The following DCC variants were observed in gnomAD, a reference collection of about 807,000 sequenced individuals.
The protein encoded by DCC is DCC netrin 1 receptor.
Under a neutral mutation model 172.5 loss-of-function variants are expected in DCC, and 58 were observed. That is an observed-to-expected ratio of 0.34 (90% CI 0.27 to 0.42). The LOEUF (loss-of-function observed/expected upper bound fraction) is 0.42, where lower values mean the gene tolerates loss of function less well. Among genes scored for constraint, DCC ranks in the 10% least tolerant of loss-of-function variants. DCC has a pLI of 1.00. For synonymous variants in DCC, 709 were observed against 644.5 expected, an observed-to-expected ratio of 1.10 and a Z score of -1.52; for missense variants, 1,740 against 1,791.0, an observed-to-expected ratio of 0.97 and a Z score of 0.51.
At chr18:52,961,671 T>C (rs1202970871) in intron 5 of DCC, among the ~76,000 whole-genome samples, 1 of 152,190 alleles carries the variant, frequency 6.6e-6, no homozygotes, top group African/African-American at 2.4e-5. Flanking sequence ...GTTTCAAAAA[T>C]GTTTGTAAAA....
intron 1 of DCC, among the ~76,000 whole-genome samples, chr18:52,428,887 A>AAT (rs1006585492): frequency 6.6e-5 from 10 of 152,084 alleles, no homozygotes; most frequent in East Asian, 5.8e-4. Context: ...TAAAGCTATT[A>AAT]ATATATATAT....
At chr18:52,661,175 T>C (rs929591029) in intron 1 of DCC, among the ~76,000 whole-genome samples, 2 of 152,128 alleles carry the variant, frequency 1.3e-5, no homozygotes, top group African/African-American at 4.8e-5. Flanking sequence ...AACAAGTAAG[T>C]GTGGGCTGTA....
At chr18:53,072,963 A>G (rs2042675843) in intron 7 of DCC, among the ~76,000 whole-genome samples, 1 of 152,210 alleles carries the variant, frequency 6.6e-6, no homozygotes, top group African/African-American at 2.4e-5. Context: ...ATTTGATGGG[A>G]GAATTAAATC....
At chr18:52,866,762 T>C (rs2039235351) in intron 2 of DCC, among the ~76,000 whole-genome samples, 1 of 152,236 alleles carries the variant, frequency 6.6e-6, no homozygotes, top group South Asian at 2.1e-4. Context: ...AAGTTGCTTA[T>C]CAGCTTAAGG....
chr18:52,702,105 T>A (rs2036135418), intron 1 of DCC, among the ~76,000 whole-genome samples: 1 of 152,184 alleles, frequency 6.6e-6, no homozygotes, highest in Non-Finnish European at 1.5e-5. Context: ...ACATGGCTTG[T>A]TTTCATGATA....
chr18:52,398,204 C>T (rs1986304281), intron 1 of DCC, among the ~76,000 whole-genome samples: 1 of 151,884 alleles, frequency 6.6e-6, no homozygotes, highest in African/African-American at 2.4e-5. Flanking sequence ...CAACTTTGGT[C>T]CCATTACCAA....
intron 1 of DCC, among the ~76,000 whole-genome samples, chr18:52,367,255 C>T (rs1005635475): frequency 1.3e-5 from 2 of 152,224 alleles, no homozygotes; most frequent in Non-Finnish European, 2.9e-5. Context: ...GCAAGTGCCG[C>T]ACGCAGCCCC....
intron 1 of DCC, among the ~76,000 whole-genome samples, chr18:52,365,880 T>G (rs1984825303): frequency 6.6e-6 from 1 of 152,180 alleles, no homozygotes; most frequent in Admixed American, 6.5e-5. Context: ...TTTGTTCCAA[T>G]AAAGCATTAT....
intron 2 of DCC, among the ~76,000 whole-genome samples, chr18:52,830,145 T>C (rs1003120777): frequency 6.6e-6 from 1 of 152,072 alleles, no homozygotes; most frequent in African/African-American, 2.4e-5. Flanking sequence ...GAAGATGCAG[T>C]GGAGATACAA....
chr18:52,681,191 T>C (rs1277057819), intron 1 of DCC, among the ~76,000 whole-genome samples: 2 of 152,120 alleles, frequency 1.3e-5, no homozygotes, highest in Non-Finnish European at 2.9e-5. Context: ...TGGTATTTCC[T>C]GAGTTCTCAG....
intron 1 of DCC, among the ~76,000 whole-genome samples, chr18:52,411,252 C>T (rs896482084): frequency 1.3e-5 from 2 of 152,224 alleles, no homozygotes; most frequent in East Asian, 3.9e-4. Context: ...AATTTCTCTC[C>T]CTGCCTTCAC....
intron 2 of DCC, among the ~76,000 whole-genome samples, chr18:52,792,776 TTCC>T (rs2037797313): frequency 3.3e-5 from 5 of 150,608 alleles, no homozygotes; most frequent in Non-Finnish European, 7.4e-5. Flanking sequence ...TTCTATTCCA[TTCC>T]ATTCCATTCC....
chr18:52,391,700 A>C (rs146397729), intron 1 of DCC, among the ~76,000 whole-genome samples: 1 of 152,266 alleles, frequency 6.6e-6, no homozygotes, highest in East Asian at 1.9e-4. Flanking sequence ...TACCAAGGAC[A>C]CTGGTCAAAC....
chr18:52,444,220 A>T (rs952395001), intron 1 of DCC, among the ~76,000 whole-genome samples: 2 of 152,182 alleles, frequency 1.3e-5, no homozygotes, highest in African/African-American at 2.4e-5. Context: ...TGCAGAATTC[A>T]CCTCTAAAAT....
chr18:52,872,339 G>A (rs1214090885), intron 2 of DCC, among the ~76,000 whole-genome samples: 2 of 152,098 alleles, frequency 1.3e-5, no homozygotes, highest in African/African-American at 4.8e-5. Flanking sequence ...AATGGTGAAT[G>A]TTCCTTTCAG....
chr18:52,955,462 T>G (rs532635143), intron 5 of DCC, among the ~76,000 whole-genome samples: 1 of 152,248 alleles, frequency 6.6e-6, no homozygotes, highest in South Asian at 2.1e-4. Context: ...GAGGGGCATC[T>G]TGGTTGTTTC....
intron 8 of DCC, among the ~76,000 whole-genome samples, chr18:53,172,434 A>G (rs1249169320): frequency 2.6e-5 from 4 of 152,200 alleles, no homozygotes; most frequent in African/African-American, 9.7e-5. Context: ...ATACCCGTGT[A>G]ACACATTTTC....
At chr18:53,512,677 G>A (rs2046272243) in intron 27 of DCC, among the ~76,000 whole-genome samples, 1 of 151,930 alleles carries the variant, frequency 6.6e-6, no homozygotes, top group Non-Finnish European at 1.5e-5. Flanking sequence ...GAAGCCTCAG[G>A]AGCCGATGCA....
chr18:53,095,059 G>A (rs2043066546), intron 7 of DCC, among the ~76,000 whole-genome samples: 1 of 152,176 alleles, frequency 6.6e-6, no homozygotes, highest in Non-Finnish European at 1.5e-5. Flanking sequence ...GTTGGCAACA[G>A]AAGTCAACAA....
Sources: gnomAD v4.1 joint callset for allele counts (sites outside exome capture counted in the v4.1 genomes callset) on GRCh38, gnomAD v4.1.1 for gene constraint, MANE v1.5 for transcripts, NCBI Gene and HGNC (gene_info 2026-07-23, HGNC 2026-07-21) for gene names.